Variants in EPS8 observed in about 807,000 individuals in gnomAD.
EPS8 encodes EGFR pathway substrate 8, signaling adaptor.
A neutral mutation model predicts 103.8 loss-of-function variants in EPS8; 42 were observed. That is an observed-to-expected ratio of 0.40 (90% confidence interval 0.32 to 0.52). The LOEUF (loss-of-function observed/expected upper bound fraction) is 0.52. EPS8 is among the 20% of genes least tolerant of loss of function. The probability of loss-of-function intolerance (pLI) is 0.40; values close to 1 mark genes in which losing one functional copy is unlikely to be tolerated. For missense variants in EPS8, 969 were observed against 1,005.1 expected (o/e 0.96, Z 0.49); for synonymous variants, 344 against 344.6 (o/e 1.00, Z 0.02).
chr12:15,730,719 T>C (rs904648464), intron 1 of EPS8, among the ~76,000 whole-genome samples: 2 of 152,206 alleles, frequency 1.3e-5, no homozygotes, highest in Admixed American at 1.3e-4. Context: ...TTAGGACCAC[T>C]ATACATTGTT....
At chr12:15,685,559 T>C (rs1404898393) in intron 1 of EPS8, among the ~76,000 whole-genome samples, 2 of 152,202 alleles carry the variant, frequency 1.3e-5, no homozygotes, top group East Asian at 3.8e-4. Flanking sequence ...GGTCTCTCTT[T>C]TGTTTTAAAA....
intron 18 of EPS8, among the ~76,000 whole-genome samples, chr12:15,628,073 A>AAAAAGGGG (rs1944979478): frequency 6.6e-6 from 1 of 151,448 alleles, no homozygotes; most frequent in Non-Finnish European, 1.5e-5. Flanking sequence ...GAAGTAATCA[A>AAAAAGGGG]AAAAGGGGAA....
intron 1 of EPS8, among the ~76,000 whole-genome samples, chr12:15,687,771 G>C (rs1208055300): frequency 1.3e-5 from 2 of 152,110 alleles, no homozygotes; most frequent in African/African-American, 4.8e-5. Context: ...TTGCTATGAT[G>C]ACATCATCAG....
intron 18 of EPS8, among the ~76,000 whole-genome samples, chr12:15,629,888 A>G (rs1945014198): frequency 6.6e-6 from 1 of 152,178 alleles, no homozygotes; most frequent in Non-Finnish European, 1.5e-5. Flanking sequence ...ACGTGAGAAA[A>G]ACAGTAGGAT....
Position 15,647,241 on chromosome 12 carries a change from T to C in EPS8, c.1454A>G (p.Tyr485Cys). Residue 485 changes from tyrosine to cysteine, a missense_variant, in exon 15 of 21, where the codon TAT (tyrosine) becomes TGT (cysteine). Transcript: ENST00000281172. ...GAACGCATAGCCATCGGCTGGATGA[T>C]ACTCTGATACACTGGAATGCTGAAA... ...LSTEHSSVSE[Y>C]HPADGYAFSS... 6.2e-7 allele frequency: 1 copy of C among 1,613,374 alleles called. No homozygotes were observed. Among genetic ancestry groups the C allele is most frequent in the Non-Finnish European group, 8.5e-7 (1 of 1,179,600 alleles).
At position 15,738,269 on chromosome 12, in the gene EPS8, C is replaced by T. The variant is rs1946786240; in HGVS notation, c.-22+50892G>A. 6.6e-6 allele frequency among the ~76,000 whole-genome samples: 1 copy of T among 152,080 alleles called. No homozygotes were observed. The highest frequency in any genetic ancestry group is 6.5e-5 in the Admixed American group (1 of 15,268). ...ATGTAAATGATCATTTAGAAACACA[C>T]CCACCCTGAGTGGCTAAGAAACCCT... On this transcript the variant is annotated intron_variant, in intron 1 of 20. Coordinates refer to ENST00000281172, the MANE Select transcript of EPS8 (RefSeq NM_004447.6). The surrounding 1 kb of genome is among the most constrained non-coding windows in gnomAD (Gnocchi z 6.2).
At position 15,757,781 on chromosome 12, in the gene EPS8, T is replaced by C. The variant is rs547264825; in HGVS notation, c.-22+31380A>G. On this transcript the variant is annotated intron_variant, in intron 1 of 20. Transcript: ENST00000281172. The surrounding 1 kb of genome is among the most constrained non-coding windows in gnomAD (Gnocchi z 4.1). ...CATCATTTATGCAGTACTCTTGTAATACTGTTTAACCTGTGCATTAGTTAT... is the reference window on the plus strand; with the variant it reads ...CATCATTTATGCAGTACTCTTGTAACACTGTTTAACCTGTGCATTAGTTAT... 2.6e-5 allele frequency among the ~76,000 whole-genome samples: 4 copies of C among 152,362 alleles called. No homozygotes were observed. The highest frequency in any genetic ancestry group is 9.6e-5 in the African/African-American group (4 of 41,592).
At chr12:15,632,801 C>T (rs1377939257) in intron 17 of EPS8, among the ~76,000 whole-genome samples, 1 of 152,034 alleles carries the variant, frequency 6.6e-6, no homozygotes, top group Non-Finnish European at 1.5e-5. Context: ...TAAACTATTA[C>T]TCAAAAACAA....
chr12:15,689,895 G>C (rs1332420717), intron 1 of EPS8, among the ~76,000 whole-genome samples: 2 of 152,186 alleles, frequency 1.3e-5, no homozygotes, highest in African/African-American at 4.8e-5. Flanking sequence ...TGGACCAGGA[G>C]AAGAGAAACA....
intron 1 of EPS8, among the ~76,000 whole-genome samples, chr12:15,715,857 C>A (rs528601673): frequency 1.3e-5 from 2 of 151,540 alleles, no homozygotes; most frequent in East Asian, 3.9e-4. Flanking sequence ...TTCTGGGGAA[C>A]CCAAACTGCA....
intron 18 of EPS8, among the ~76,000 whole-genome samples, chr12:15,628,611 T>C (rs1944990061): frequency 6.6e-6 from 1 of 152,230 alleles, no homozygotes; most frequent in Admixed American, 6.5e-5. Context: ...ATAGCTTCTA[T>C]GACACAAGGC....
chr12:15,653,656 G>A (rs1377910220), intron 13 of EPS8, among the ~76,000 whole-genome samples: 1 of 152,142 alleles, frequency 6.6e-6, no homozygotes, highest in Non-Finnish European at 1.5e-5. Context: ...TACATGGCAC[G>A]AGTTCACATC....
intron 13 of EPS8, among the ~76,000 whole-genome samples, chr12:15,652,549 T>G (rs1465945701): frequency 6.6e-6 from 1 of 152,176 alleles, no homozygotes; most frequent in African/African-American, 2.4e-5. Flanking sequence ...CTATCATATG[T>G]ACCCTGAAAA....
At chr12:15,648,122 G>A (rs1422538415) in intron 14 of EPS8, among the ~76,000 whole-genome samples, 1 of 152,208 alleles carries the variant, frequency 6.6e-6, no homozygotes, top group Non-Finnish European at 1.5e-5. Flanking sequence ...CTCCTGCAGT[G>A]AGGCACAGTT....
intron 1 of EPS8, among the ~76,000 whole-genome samples, chr12:15,754,887 C>G (rs1421412133): frequency 6.6e-6 from 1 of 152,202 alleles, no homozygotes. Flanking sequence ...AATCATTAAG[C>G]TCCCTGGGCA....
intron 5 of EPS8, 42 bp from the exon 6 acceptor site, chr12:15,669,578 C>T (rs779722933): frequency 8.3e-6 from 13 of 1,563,944 alleles, no homozygotes; most frequent in African/African-American, 2.7e-5. Flanking sequence ...AACTTCCATC[C>T]ATTTTCAAAC....
chr12:15,754,989 C>A (rs1379768396), intron 1 of EPS8, among the ~76,000 whole-genome samples: 1 of 152,172 alleles, frequency 6.6e-6, no homozygotes, highest in Non-Finnish European at 1.5e-5. Context: ...CTTGCGACTG[C>A]AAATCAAGAT....
chr12:15,741,915 C>G lies in EPS8; in HGVS notation c.-22+47246G>C, dbSNP rs563725923. On this transcript the variant is annotated intron_variant, in intron 1 of 20. Transcript: ENST00000281172. The stretch of plus-strand genomic sequence containing the variant: ...TGTGTGATGTTCCCCATCCTGTGTC[C>G]AAGTGTTCTCACTGTTCAGTTCCCA... Among the ~76,000 whole-genome samples, 25 of 152,258 alleles carry G rather than the reference C, an allele frequency of 1.6e-4. No individual in the cohort carries two copies. The South Asian group carries it at 5.0e-3, about 30-fold the overall frequency.
chr12:15,756,523 CT>C (rs1051497167), intron 1 of EPS8, among the ~76,000 whole-genome samples: 2 of 152,208 alleles, frequency 1.3e-5, no homozygotes, highest in Non-Finnish European at 2.9e-5. Flanking sequence ...CTTTGATCCA[CT>C]TTTTTTCATA....
Sources: gnomAD v4.1 joint callset for allele counts (sites outside exome capture counted in the v4.1 genomes callset) on GRCh38, gnomAD v4.1.1 for gene constraint, Gnocchi (gnomAD v3.1) non-coding constraint, MANE v1.5 for transcripts, NCBI Gene and HGNC (gene_info 2026-07-23, HGNC 2026-07-21) for gene names.